The following PHF24 variants were observed in gnomAD, a reference collection of about 807,000 sequenced individuals.
PHF24 encodes the protein PHD finger protein 24, also known as Galpha inhibitory interacting protein.
In PHF24, 25 loss-of-function variants were observed where a neutral mutation model predicts 42.6. The observed-to-expected ratio is 0.59, with a 90% confidence interval of 0.43 to 0.82. PHF24 has a LOEUF of 0.82. Among genes scored for constraint, PHF24 ranks in the 40% least tolerant of loss-of-function variants. The pLI is 0.00. For missense variants in PHF24, 470 were observed against 538.1 expected (o/e 0.87, Z 1.25); for synonymous variants, 185 against 204.8 (o/e 0.90, Z 0.83).
chr9:34,955,527 A>T (rs997271067), upstream of PHF24, among the ~76,000 whole-genome samples: 3 of 152,288 alleles, frequency 2.0e-5, no homozygotes, highest in Non-Finnish European at 4.4e-5. Flanking sequence ...AAATCCAAAA[A>T]TTAGCCAGGT....
chr9:34,755,634 A>G, the PHF24 span, among the ~76,000 whole-genome samples: 1 of 151,588 alleles, frequency 6.6e-6, no homozygotes, highest in Non-Finnish European at 1.5e-5. Context: ...TTTAATTATG[A>G]TTATTAATAT....
At chr9:34,934,894 A>G in the PHF24 span, among the ~76,000 whole-genome samples, 2 of 152,234 alleles carry the variant, frequency 1.3e-5, no homozygotes, top group South Asian at 4.1e-4. Flanking sequence ...AACAGAAACC[A>G]TATGGCTCAC....
chr9:34,808,510 C>G, the PHF24 span, among the ~76,000 whole-genome samples: 1 of 152,076 alleles, frequency 6.6e-6, no homozygotes, highest in Non-Finnish European at 1.5e-5. Flanking sequence ...CCATTTTGTG[C>G]TGCTATGACA....
chr9:34,939,723 A>T, the PHF24 span, among the ~76,000 whole-genome samples: 1 of 152,200 alleles, frequency 6.6e-6, no homozygotes, highest in African/African-American at 2.4e-5. Flanking sequence ...GGAGAGGCAC[A>T]TTCTCATGGT....
the PHF24 span, chr9:34,892,649 G>C: frequency 2.2e-6 from 1 of 456,194 alleles, no homozygotes; most frequent in African/African-American, 2.0e-5. Flanking sequence ...AGTATTCAAG[G>C]GCTGCTGACC....
the PHF24 span, among the ~76,000 whole-genome samples, chr9:34,701,821 G>T: frequency 6.6e-6 from 1 of 152,266 alleles, no homozygotes; most frequent in East Asian, 1.9e-4. The surrounding 1 kb of genome is among the most constrained non-coding windows in gnomAD (Gnocchi z 5.8). Flanking sequence ...CCGGGGGAAG[G>T]CCCGTGTTTG....
chr9:34,917,673 G>A, the PHF24 span: 1 of 781,534 alleles, frequency 1.3e-6, no homozygotes, highest in Non-Finnish European at 2.4e-6. Context: ...TGCAGTGTGG[G>A]AGCAGACAGA....
At chr9:34,766,243 G>T in the PHF24 span, among the ~76,000 whole-genome samples, 1 of 152,098 alleles carries the variant, frequency 6.6e-6, no homozygotes, top group African/African-American at 2.4e-5. Context: ...TCTGAATGTT[G>T]GCCTGCCTTG....
chr9:34,855,693 G>A, the PHF24 span, among the ~76,000 whole-genome samples: 22 of 152,100 alleles, frequency 1.4e-4, no homozygotes, highest in Non-Finnish European at 2.8e-4. Flanking sequence ...CTTTCCTTCT[G>A]GCTGCTCTTA....
At chr9:34,743,806 A>G in the PHF24 span, among the ~76,000 whole-genome samples, 1 of 152,088 alleles carries the variant, frequency 6.6e-6, no homozygotes, top group Non-Finnish European at 1.5e-5. Context: ...AATACTTGAG[A>G]CTGGATAATT....
chr9:34,860,777 G>A, the PHF24 span, among the ~76,000 whole-genome samples: 1 of 151,988 alleles, frequency 6.6e-6, no homozygotes, highest in Non-Finnish European at 1.5e-5. Context: ...AAGAATACAA[G>A]TTGCATCCAC....
chr9:34,901,511 A>ATC, the PHF24 span, among the ~76,000 whole-genome samples: 1 of 152,222 alleles, frequency 6.6e-6, no homozygotes, highest in Non-Finnish European at 1.5e-5. Context: ...ATGGAGCAGA[A>ATC]TCTATGTATT....
At chr9:34,913,662 G>A in the PHF24 span, among the ~76,000 whole-genome samples, 1 of 152,166 alleles carries the variant, frequency 6.6e-6, no homozygotes, top group African/African-American at 2.4e-5. Flanking sequence ...CAGCTAGAGA[G>A]TAAATAATTT....
chr9:34,856,704 C>T, the PHF24 span, among the ~76,000 whole-genome samples: 1 of 152,198 alleles, frequency 6.6e-6, no homozygotes, highest in Admixed American at 6.5e-5. Flanking sequence ...CAGAATGCTC[C>T]TGTAGGAGGT....
chr9:34,702,619 C>T, the PHF24 span, among the ~76,000 whole-genome samples: 1 of 152,172 alleles, frequency 6.6e-6, no homozygotes, highest in Non-Finnish European at 1.5e-5. Context: ...CAAGGTCATA[C>T]AATTCCCCTT....
intron 2 of PHF24, 75 bp downstream of exon 2, chr9:34,971,751 A>T: frequency 1.4e-6 from 2 of 1,477,450 alleles, no homozygotes; most frequent in Admixed American, 4.6e-5. Context: ...GGATGTGGGT[A>T]AGGTGATCCT....
chr9:34,764,180 C>A, the PHF24 span, among the ~76,000 whole-genome samples: 1 of 152,178 alleles, frequency 6.6e-6, no homozygotes, highest in Non-Finnish European at 1.5e-5. Flanking sequence ...GTGTCTCTGC[C>A]CGGCTTTGGT....
the PHF24 span, chr9:34,894,530 T>C: frequency 2.5e-6 from 1 of 398,608 alleles, no homozygotes; most frequent in Non-Finnish European, 4.4e-6. Flanking sequence ...GTGAGTGTTA[T>C]GTGGAACTGG....
chr9:34,971,418 G>C (rs772421687), exon 2 of PHF24: 1 of 1,614,188 alleles, frequency 6.2e-7, no homozygotes, highest in East Asian at 2.2e-5. Flanking sequence ...CAGGTGAGCT[G>C]CCAGGGTCCC....
Sources: gnomAD v4.1 joint callset for allele counts (sites outside exome capture counted in the v4.1 genomes callset) on GRCh38, gnomAD v4.1.1 for gene constraint, Gnocchi (gnomAD v3.1) non-coding constraint, MANE v1.5 for transcripts, NCBI Gene and HGNC (gene_info 2026-07-23, HGNC 2026-07-21) for gene names.